The following PTPRO variants were observed in gnomAD, a reference collection of about 807,000 sequenced individuals.
PTPRO encodes protein tyrosine phosphatase receptor type O.
In PTPRO, 62 loss-of-function variants were observed where a neutral mutation model predicts 145.2. The observed-to-expected ratio is 0.43, with a 90% CI of 0.35 to 0.53. PTPRO has a LOEUF of 0.53. Ranked by LOEUF, PTPRO falls within the 20% of genes least tolerant of loss-of-function variation. The pLI, the probability that PTPRO is intolerant of heterozygous loss-of-function variation, is 0.01. For missense variants in PTPRO, 1,345 were observed against 1,482.7 expected, an observed-to-expected ratio of 0.91 and a Z score of 1.53; for synonymous variants, 565 against 514.7, an observed-to-expected ratio of 1.10 and a Z score of -1.32.
chr12:15,532,883 A>T (rs905084255), intron 12 of PTPRO, among the ~76,000 whole-genome samples: 2 of 152,186 alleles, frequency 1.3e-5, no homozygotes. Context: ...TTACTAATAC[A>T]GGAAGCTATT....
At chr12:15,520,692 A>G (rs1274661532) in intron 10 of PTPRO, among the ~76,000 whole-genome samples, 1 of 152,198 alleles carries the variant, frequency 6.6e-6, no homozygotes, top group Admixed American at 6.5e-5. Context: ...TTTCTTATTA[A>G]TTAAGCCATT....
chr12:15,449,864 A>G (rs1565636239), intron 1 of PTPRO, among the ~76,000 whole-genome samples: 1 of 152,174 alleles, frequency 6.6e-6, no homozygotes, highest in Admixed American at 6.5e-5. Flanking sequence ...ATCCTAAAAT[A>G]AAATGGTTCT....
chr12:15,449,300 T>A (rs1296158642), intron 1 of PTPRO, among the ~76,000 whole-genome samples: 1 of 152,178 alleles, frequency 6.6e-6, no homozygotes, highest in Admixed American at 6.5e-5. Context: ...AGGTGCATAC[T>A]CCTAAGCTTG....
intron 13 of PTPRO, among the ~76,000 whole-genome samples, 172 bp downstream of exon 13, chr12:15,546,880 G>T (rs1943305602): frequency 6.6e-6 from 1 of 152,194 alleles, no homozygotes; most frequent in Admixed American, 6.5e-5. Context: ...CCCAAAAGTT[G>T]TTATGAGAAC....
At chr12:15,493,547 A>G (rs140055557) in intron 2 of PTPRO, among the ~76,000 whole-genome samples, 2 of 152,144 alleles carry the variant, frequency 1.3e-5, no homozygotes, top group African/African-American at 2.4e-5. Context: ...CAAAAAACAT[A>G]AGAAAAAATC....
At chr12:15,410,160 G>A (rs1332228539) in intron 1 of PTPRO, 1 of 152,158 alleles carries the variant, frequency 6.6e-6, no homozygotes, top group African/African-American at 2.4e-5. Flanking sequence ...TGCATGAAAT[G>A]ACACAAGAAG....
At chr12:15,416,067 C>G (rs1300067626) in intron 1 of PTPRO, among the ~76,000 whole-genome samples, 1 of 151,720 alleles carries the variant, frequency 6.6e-6, no homozygotes, top group Non-Finnish European at 1.5e-5. Context: ...GTCTGCACCA[C>G]TTGAGGCCAG....
chr12:15,327,062 G>A (rs1042884769), intron 1 of PTPRO, among the ~76,000 whole-genome samples: 2 of 152,120 alleles, frequency 1.3e-5, no homozygotes, highest in African/African-American at 2.4e-5. Context: ...TGAGAATTAT[G>A]AAATATTGTA....
chr12:15,348,513 C>T (rs982553542), intron 1 of PTPRO: 4 of 152,144 alleles, frequency 2.6e-5, no homozygotes, highest in African/African-American at 9.7e-5. Flanking sequence ...AATCCCAGCA[C>T]TTTGGGAGGC....
At chr12:15,442,515 G>A (rs1402258938) in intron 1 of PTPRO, among the ~76,000 whole-genome samples, 2 of 152,002 alleles carry the variant, frequency 1.3e-5, no homozygotes, top group Non-Finnish European at 2.9e-5. Flanking sequence ...GCAACAGAAA[G>A]AAATAAAAGG....
chr12:15,327,705 G>C (rs1866486509), intron 1 of PTPRO, among the ~76,000 whole-genome samples: 1 of 152,074 alleles, frequency 6.6e-6, no homozygotes, highest in Admixed American at 6.6e-5. Flanking sequence ...TTGATTTGAG[G>C]AACCCAAACA....
chr12:15,578,815 C>T (rs368127871), intron 19 of PTPRO, 38 bp from the exon 20 acceptor site: 43 of 1,439,600 alleles, frequency 3.0e-5, no homozygotes, highest in African/African-American at 1.1e-4. Context: ...ATTCACACCA[C>T]GTATGGAACT....
chr12:15,370,726 C>T (rs1591750830), intron 1 of PTPRO, among the ~76,000 whole-genome samples: 1 of 151,868 alleles, frequency 6.6e-6, no homozygotes, highest in African/African-American at 2.4e-5. Context: ...AAATCAAAAG[C>T]CTTGAAAATA....
intron 1 of PTPRO, among the ~76,000 whole-genome samples, chr12:15,376,277 A>T (rs1338697418): frequency 6.6e-6 from 1 of 152,180 alleles, no homozygotes; most frequent in Non-Finnish European, 1.5e-5. Flanking sequence ...GAAATCAGGG[A>T]GGCAAAAATA....
chr12:15,360,920 GTATATACACACACA>G (rs1400607663), intron 1 of PTPRO, among the ~76,000 whole-genome samples: 1 of 140,818 alleles, frequency 7.1e-6, no homozygotes, highest in African/African-American at 2.7e-5. Flanking sequence ...ATACACACAT[GTATATACACACACA>G]TATATACACA....
intron 1 of PTPRO, among the ~76,000 whole-genome samples, chr12:15,361,456 A>AC (rs996550026): frequency 6.6e-6 from 1 of 151,176 alleles, no homozygotes; most frequent in African/African-American, 2.4e-5. Flanking sequence ...AAAAAAAAAA[A>AC]AAGAAAGAAA....
intron 1 of PTPRO, among the ~76,000 whole-genome samples, chr12:15,390,128 G>A (rs1330109007): frequency 1.3e-5 from 2 of 152,146 alleles, no homozygotes; most frequent in Admixed American, 6.6e-5. Flanking sequence ...TATGAAATAA[G>A]TTTGAGAACT....
intron 20 of PTPRO, 124 bp downstream of exon 20, chr12:15,579,067 C>G (rs890404492): frequency 1.3e-5 from 10 of 776,968 alleles, no homozygotes; most frequent in Non-Finnish European, 2.2e-5. Flanking sequence ...AAGGCCACGT[C>G]TGAGATTGCA....
chr12:15,453,879 T>A (rs1216019163), intron 1 of PTPRO, among the ~76,000 whole-genome samples: 5 of 152,320 alleles, frequency 3.3e-5, no homozygotes, highest in African/African-American at 1.2e-4. Flanking sequence ...TATCTTCAAG[T>A]TTCATTCATG....
Sources: allele counts gnomAD v4.1 joint callset (sites outside exome capture counted in the v4.1 genomes callset), GRCh38; gene constraint gnomAD v4.1.1; transcripts MANE v1.5; gene names NCBI Gene and HGNC (gene_info 2026-07-23, HGNC 2026-07-21).